LIPE: variants seen among roughly 807,000 people sequenced by gnomAD.
The protein encoded by LIPE is lipase E, hormone sensitive type, also known as hormone-sensitive lipase.
Under a neutral mutation model 88.5 loss-of-function variants are expected in LIPE, and 66 were observed. That is an observed-to-expected ratio of 0.75 (90% CI 0.61 to 0.91). The LOEUF (loss-of-function observed/expected upper bound fraction) is 0.91, where lower values mean the gene tolerates loss of function less well. Among genes scored for constraint, LIPE ranks in the 40% least tolerant of loss-of-function variants. The probability of loss-of-function intolerance (pLI) is 0.00; values close to 1 mark genes in which losing one functional copy is unlikely to be tolerated. For synonymous variants in LIPE, 570 were observed against 617.5 expected, an observed-to-expected ratio of 0.92 and a Z score of 1.14; for missense variants, 1,346 against 1,434.7, an observed-to-expected ratio of 0.94 and a Z score of 1.00.
In LIPE at chr19:42,426,680, G is replaced by A. The variant is rs556333443; in HGVS notation, c.470C>T (p.Pro157Leu). The A allele has an allele frequency of 2.5e-6, 4 of 1,614,240 alleles. No homozygotes were observed. In the African/African-American group the frequency reaches 5.3e-5, roughly 22 times the overall value. The change falls in exon 1 of 10, where the codon CCT (proline) becomes CTT (leucine). Residue 157 changes from proline (P) to leucine (L), a missense_variant. Physicochemically the swap from Pro to Leu is moderately conservative, Grantham distance 98. Coordinates refer to ENST00000244289, the MANE Select transcript of LIPE (RefSeq NM_005357.4). ...PPAQQEAEST[P>L]AAQAKPGAKR... Reference sequence around the variant, plus strand: ...GGCTCCAGGTTTAGCCTGGGCCGCAGGTGTTGATTCAGCTTCTTGTTGAGC... The same window carrying A: ...GGCTCCAGGTTTAGCCTGGGCCGCAAGTGTTGATTCAGCTTCTTGTTGAGC...
rs1009328700 is a variant in LIPE at position 42,406,502 on chromosome 19, C to G, written c.2138-114G>C. 1.2e-6 allele frequency: 1 copy of G among 806,238 alleles called. No homozygotes were observed. The highest frequency in any genetic ancestry group is 2.0e-6 in the Non-Finnish European group (1 of 488,874). 49.9% of individuals were successfully genotyped at this position (806,238 alleles called of 1,614,324 possible). ...GGGCTCTCCAAGGTGGGGTGTGGGG[C>G]ACTCCAAGGCCTAGCAGACTGCAGT... is the stretch of plus-strand genomic sequence containing the variant. On this transcript the variant is annotated intron_variant, in intron 6 of 9. Transcript: ENST00000244289. The surrounding 1 kb of genome is among the most constrained non-coding windows in gnomAD (Gnocchi z 5.7).
intron 1 of LIPE, among the ~76,000 whole-genome samples, chr19:42,415,904 C>A (rs910236567): frequency 6.6e-6 from 1 of 152,166 alleles, no homozygotes; most frequent in African/African-American, 2.4e-5. Context: ...TTTCCTTAAG[C>A]CAAAGCCTAA....
Position 42,408,440 on chromosome 19 carries a change from C to T in LIPE, c.1420-118G>A, listed in dbSNP as rs1442944019. The T allele has an allele frequency of 3.7e-6, 3 of 810,950 alleles. No individual in the cohort carries two copies. Among genetic ancestry groups the T allele is most frequent in the Non-Finnish European group, 6.3e-6 (3 of 476,184 alleles). 50.2% of individuals were successfully genotyped at this position (810,950 alleles called of 1,614,324 possible). On this transcript the variant is annotated intron_variant, in intron 2 of 9. Transcript: ENST00000244289. This position sits in a 1 kb window ranked among gnomAD's most constrained non-coding sequence, Gnocchi z 4.3. ...TCATTCAGTAAACGTTTCATGAGCT[C>T]CTACTGTGTGCTGGGCATAGCTCTC...
chr19:42,402,663 A>G lies in LIPE; in HGVS notation c.2911T>C (p.Ser971Pro). The change falls in exon 9 of 10, where the codon TCG becomes CCG. Residue 971 changes from serine to proline, a missense_variant. Coordinates refer to ENST00000244289, the MANE Select transcript of LIPE (RefSeq NM_005357.4). ...SSPIVKNPFM[S>P]PLLAPDSMLK... ...ATGCTGTCGGGTGCCAGCAGCGGCG[A>G]CATGAAGGGGTTCTTGACTATGGGT... 6.7e-7 allele frequency: 1 copy of G among 1,500,372 alleles called. No individual in the cohort carries two copies. The highest frequency in any genetic ancestry group is 8.9e-7 in the Non-Finnish European group (1 of 1,122,776). 92.9% of individuals were successfully genotyped at this position (1,500,372 alleles called of 1,614,324 possible).
intron 9 of LIPE, 143 bp downstream of exon 9, chr19:42,402,464 T>G: frequency 1.4e-6 from 1 of 698,726 alleles, no homozygotes; most frequent in Non-Finnish European, 2.1e-6. Flanking sequence ...GTTCGGGGCA[T>G]TGTTCTCCCC....
chr19:42,417,356 C>G (rs1311894959), intron 1 of LIPE, among the ~76,000 whole-genome samples: 1 of 151,990 alleles, frequency 6.6e-6, no homozygotes, highest in Non-Finnish European at 1.5e-5. Flanking sequence ...AACTTCTGGG[C>G]TCAAGTGATC....
intron 1 of LIPE, among the ~76,000 whole-genome samples, chr19:42,422,349 T>TCCGACG (rs1051377481): frequency 6.6e-6 from 1 of 152,212 alleles, no homozygotes; most frequent in Non-Finnish European, 1.5e-5. Context: ...GAACCGGATC[T>TCCGACG]CCGACGCCCA....
intron 1 of LIPE, chr19:42,412,478 G>C (rs34845087): frequency 0.055 from 53,931 of 985,842 alleles, 1,653 homozygotes; most frequent in Middle Eastern, 0.16. Flanking sequence ...CCAGGGTGTA[G>C]CCGCACAAGC....
At chr19:42,418,398 T>C (rs1308184468) in intron 1 of LIPE, among the ~76,000 whole-genome samples, 1 of 152,240 alleles carries the variant, frequency 6.6e-6, no homozygotes, top group East Asian at 1.9e-4. Flanking sequence ...TACCTTATTT[T>C]AAGAAACTGC....
At chr19:42,405,972 TCTCTCACA>T (rs1378482080) in intron 7 of LIPE, 181 bp downstream of exon 7, 13,154 of 560,208 alleles carry the variant, frequency 0.023, 80 homozygotes, top group Middle Eastern at 0.066. Flanking sequence ...TCTCTCTCTC[TCTCTCACA>T]CACACACACA....
rs2040457941 is a variant in LIPE, at chr19:42,414,928, TC to T, written c.884-4087del. Among the ~76,000 whole-genome samples the T allele has an allele frequency of 4.6e-5, 7 of 152,170 alleles. No individual in the cohort carries two copies. In the South Asian group the frequency reaches 1.5e-3, roughly 32 times the overall value. ...CATCTCTCTTCTCGAGCCTCCATAT[TC>T]CCTAAGACATACAATATTGAGGCCG... On this transcript the variant is annotated intron_variant, in intron 1 of 9. Transcript: ENST00000244289. The surrounding 1 kb of genome is among the most constrained non-coding windows in gnomAD (Gnocchi z 4.6).
In LIPE at chr19:42,416,169, C is replaced by T. The variant is rs542936002; in HGVS notation, c.884-5327G>A. 3.3e-5 allele frequency among the ~76,000 whole-genome samples: 5 copies of T among 151,986 alleles called. No individual in the cohort carries two copies. The South Asian group carries it at 1.0e-3, about 32-fold the overall frequency. ...ACCAGCCTGACCAACATGGAGAAAC[C>T]CCATCTCAACTTAAAATACAAAAAA... On this transcript the variant is annotated intron_variant, in intron 1 of 9. Coordinates refer to ENST00000244289, the MANE Select transcript of LIPE (RefSeq NM_005357.4).
intron 1 of LIPE, among the ~76,000 whole-genome samples, chr19:42,412,734 G>A (rs1373887899): frequency 1.3e-5 from 2 of 151,896 alleles, no homozygotes; most frequent in East Asian, 1.9e-4. Flanking sequence ...TGAACAAACC[G>A]TCCCCTCTCA....
chr19:42,419,381 T>C (rs1019740959), intron 1 of LIPE, among the ~76,000 whole-genome samples: 1 of 152,208 alleles, frequency 6.6e-6, no homozygotes, highest in Non-Finnish European at 1.5e-5. Context: ...ACCCAGGCCC[T>C]AGGGACTCCA....
chr19:42,408,595 C>G lies in LIPE; in HGVS notation c.1420-273G>C. On this transcript the variant is annotated intron_variant, in intron 2 of 9. Transcript: ENST00000244289. The surrounding 1 kb of genome is among the most constrained non-coding windows in gnomAD (Gnocchi z 4.3). ...AAAAAAAGGCAGTAGGTGGAGAGGG[C>G]ACCAGTGATGACTAGGGGTCAGGCT... 1 of 457,570 alleles carries G rather than the reference C, an allele frequency of 2.2e-6. No individual in the cohort carries two copies. Among genetic ancestry groups the G allele is most frequent in the South Asian group, 2.2e-5 (1 of 44,574 alleles). The allele number at this position is 457,570 out of a possible 1,614,324, so 28.3% of individuals were successfully genotyped here.
chr19:42,421,758 G>C (rs2040602926), intron 1 of LIPE, among the ~76,000 whole-genome samples: 1 of 152,238 alleles, frequency 6.6e-6, no homozygotes, highest in South Asian at 2.1e-4. Context: ...AAGGACACTA[G>C]CCTCATCCAG....
Position 42,407,334 on chromosome 19 carries a change from G to A in LIPE, c.1977C>T (p.Thr659=), listed in dbSNP as rs1326329160. 6.2e-7 allele frequency: 1 copy of A among 1,612,686 alleles called. No homozygotes were observed. Among genetic ancestry groups the A allele is most frequent in the Non-Finnish European group, 8.5e-7 (1 of 1,179,504 alleles). The change falls in exon 6 of 10, where the codon ACC becomes ACT. Residue 659 remains threonine, a synonymous_variant. Transcript: ENST00000244289. The surrounding 1 kb of genome is among the most constrained non-coding windows in gnomAD (Gnocchi z 5.8). ...TGAGGTAGGGCTCGTGGGATCTGGA[G>A]GTCTGGGCCACAAAGCCACCGCCGT... ...HFHGGGFVAQ[T]SRSHEPYLKS... is the part of the protein sequence containing the mutation.
intron 2 of LIPE, among the ~76,000 whole-genome samples, chr19:42,409,894 G>C (rs1484116428): frequency 6.6e-6 from 1 of 152,164 alleles, no homozygotes; most frequent in African/African-American, 2.4e-5. Context: ...TGGGGTGGGA[G>C]GGGGAGGCTG....
At chr19:42,405,299 C>T (rs997535526) in intron 8 of LIPE, 86 bp downstream of exon 8, 5 of 1,409,356 alleles carry the variant, frequency 3.5e-6, no homozygotes, top group African/African-American at 1.4e-5. Context: ...ACCACCATGC[C>T]CAGCATCTTC....
Sources: gnomAD v4.1 joint callset for allele counts (sites outside exome capture counted in the v4.1 genomes callset) on GRCh38, gnomAD v4.1.1 for gene constraint, Gnocchi (gnomAD v3.1) non-coding constraint, MANE v1.5 for transcripts, NCBI Gene and HGNC (gene_info 2026-07-23, HGNC 2026-07-21) for gene names.